Variants in EPHB1 observed in about 807,000 individuals in gnomAD.
EPHB1 encodes EPH receptor B1.
In EPHB1, 30 loss-of-function variants were observed where a neutral mutation model predicts 94.4. The observed-to-expected ratio is 0.32, with a 90% CI of 0.24 to 0.43. The LOEUF is 0.43. EPHB1 is among the 20% of genes least tolerant of loss of function. EPHB1 has a pLI of 1.00. For synonymous variants in EPHB1, 522 were observed against 489.1 expected (o/e 1.07, Z -0.89); for missense variants, 1,055 against 1,308.3 (o/e 0.81, Z 2.99).
intron 12 of EPHB1, among the ~76,000 whole-genome samples, chr3:135,214,202 C>T (rs1201088001): frequency 6.6e-6 from 1 of 152,150 alleles, no homozygotes; most frequent in African/African-American, 2.4e-5. Flanking sequence ...GGCCATCTGC[C>T]CCCTCCTCTC....
rs1057071799 is a variant in EPHB1 at position 135,031,437 on chromosome 3, G to A, written c.806-75011G>A. Among the ~76,000 whole-genome samples, 9 of 152,116 alleles carry A rather than the reference G, an allele frequency of 5.9e-5. No individual in the cohort carries two copies. The East Asian group carries it at 9.6e-4, about 16-fold the overall frequency. On this transcript the variant is annotated intron_variant, in intron 3 of 15. Transcript: ENST00000398015. The stretch of plus-strand genomic sequence containing the variant: ...TAATCCTCCTGCCTCAGCATCCAGC[G>A]TAGCTGTGACTGGAGGTATACACCA...
At chr3:135,195,480 C>T (rs1189940201) in intron 11 of EPHB1, among the ~76,000 whole-genome samples, 1 of 151,350 alleles carries the variant, frequency 6.6e-6, no homozygotes, top group Non-Finnish European at 1.5e-5. Context: ...GCTATCCCTC[C>T]CCCATCTCCC....
chr3:135,095,427 A>G (rs1209237381), intron 3 of EPHB1, among the ~76,000 whole-genome samples: 1 of 151,926 alleles, frequency 6.6e-6, no homozygotes, highest in East Asian at 1.9e-4. Context: ...TGTTCCCACT[A>G]CCCTAATCCA....
At chr3:134,844,105 T>C (rs1488388228) in intron 1 of EPHB1, among the ~76,000 whole-genome samples, 1 of 152,254 alleles carries the variant, frequency 6.6e-6, no homozygotes, top group East Asian at 1.9e-4. Flanking sequence ...CTGTGAAATA[T>C]GTCTTCTCTA....
chr3:134,938,720 C>T (rs2039059313), intron 2 of EPHB1, among the ~76,000 whole-genome samples: 1 of 152,210 alleles, frequency 6.6e-6, no homozygotes, highest in Admixed American at 6.5e-5. Flanking sequence ...AACTGGCTCA[C>T]AAGGGGCTCT....
intron 1 of EPHB1, among the ~76,000 whole-genome samples, chr3:134,829,968 G>A (rs2036551421): frequency 6.6e-6 from 1 of 152,126 alleles, no homozygotes; most frequent in Non-Finnish European, 1.5e-5. Flanking sequence ...CCCTCAGAAA[G>A]AACCAACCCT....
At chr3:135,221,364 A>T (rs1483744989) in intron 12 of EPHB1, among the ~76,000 whole-genome samples, 2 of 152,200 alleles carry the variant, frequency 1.3e-5, no homozygotes, top group African/African-American at 4.8e-5. Flanking sequence ...AGGCACCATC[A>T]CTTAAACCTC....
intron 3 of EPHB1, among the ~76,000 whole-genome samples, chr3:134,954,277 T>G (rs951473957): frequency 1.3e-5 from 2 of 152,172 alleles, no homozygotes; most frequent in African/African-American, 4.8e-5. Flanking sequence ...CAAGGGGACC[T>G]TCGAGCAAAA....
At position 135,133,053 on chromosome 3, in the gene EPHB1, A is replaced by G. The variant is rs1393031332; in HGVS notation, c.1297+4A>G. On this transcript the variant is annotated splice_donor_region_variant and intron_variant, in intron 5 of 15. Coordinates refer to ENST00000398015, the MANE Select transcript of EPHB1 (RefSeq NM_004441.5). ...AACATCACCACAAACCAAGCCGGTA[A>G]GTCTGGAGGCTTCTGTGCTCCTGTT... 1 of 1,573,898 alleles carries G rather than the reference A, an allele frequency of 6.4e-7. No individual in the cohort carries two copies. Among genetic ancestry groups the G allele is most frequent in the Non-Finnish European group, 8.7e-7 (1 of 1,154,494 alleles).
intron 3 of EPHB1, among the ~76,000 whole-genome samples, chr3:135,040,102 A>G (rs1936786476): frequency 6.6e-6 from 1 of 152,214 alleles, no homozygotes; most frequent in South Asian, 2.1e-4. Flanking sequence ...CTTTGTAGAT[A>G]ACAAAAATTT....
At chr3:134,900,496 A>G (rs1207984308) in intron 1 of EPHB1, among the ~76,000 whole-genome samples, 3 of 152,156 alleles carry the variant, frequency 2.0e-5, no homozygotes, top group African/African-American at 7.2e-5. Context: ...GTCCTGAGAA[A>G]TCAGGATATT....
chr3:135,211,361 C>A (rs1943029397), intron 12 of EPHB1, among the ~76,000 whole-genome samples: 1 of 152,154 alleles, frequency 6.6e-6, no homozygotes, highest in Admixed American at 6.5e-5. Context: ...TTTTACATTG[C>A]CTCAAAATAG....
intron 12 of EPHB1, among the ~76,000 whole-genome samples, chr3:135,206,207 T>C (rs1942897759): frequency 6.6e-6 from 1 of 152,166 alleles, no homozygotes; most frequent in South Asian, 2.1e-4. Flanking sequence ...CAGGAGTTTG[T>C]TCCTTTTATT....
intron 5 of EPHB1, among the ~76,000 whole-genome samples, chr3:135,144,813 A>C (rs921716541): frequency 6.6e-6 from 1 of 152,192 alleles, no homozygotes; most frequent in African/African-American, 2.4e-5. Context: ...AGGATTCTAC[A>C]ACAGCACAGA....
intron 3 of EPHB1, among the ~76,000 whole-genome samples, chr3:135,049,350 CT>C (rs112542246): frequency 0.046 from 6,968 of 152,304 alleles, 212 homozygotes; most frequent in East Asian, 0.14. Flanking sequence ...TCTTGCTCAC[CT>C]TCTTTTGTGC....
At chr3:135,165,390 C>T (rs1436535352) in intron 7 of EPHB1, among the ~76,000 whole-genome samples, 3 of 152,196 alleles carry the variant, frequency 2.0e-5, no homozygotes, top group Admixed American at 6.5e-5. Context: ...CTGCATAATT[C>T]AGCATGGTTC....
chr3:135,147,779 G>T (rs1941062342), intron 5 of EPHB1, among the ~76,000 whole-genome samples: 1 of 152,216 alleles, frequency 6.6e-6, no homozygotes, highest in Admixed American at 6.5e-5. Flanking sequence ...TAGAGCATTT[G>T]CCCAAGCTAA....
chr3:134,932,113 A>G (rs1431883927), intron 2 of EPHB1, among the ~76,000 whole-genome samples: 1 of 152,076 alleles, frequency 6.6e-6, no homozygotes, highest in Non-Finnish European at 1.5e-5. Context: ...AGAGTTCTGG[A>G]AACACTTTCA....
At chr3:134,843,316 T>C (rs975106755) in intron 1 of EPHB1, among the ~76,000 whole-genome samples, 2 of 152,206 alleles carry the variant, frequency 1.3e-5, no homozygotes, top group Admixed American at 1.3e-4. Context: ...TTGAAAATGT[T>C]GTCTTTGTCT....
Sources: allele counts gnomAD v4.1 joint callset (sites outside exome capture counted in the v4.1 genomes callset), GRCh38; gene constraint gnomAD v4.1.1; transcripts MANE v1.5; gene names NCBI Gene and HGNC (gene_info 2026-07-23, HGNC 2026-07-21).